The following PCDHGA3 variants were observed in gnomAD, a reference collection of about 807,000 sequenced individuals.
PCDHGA3 encodes the protein protocadherin gamma-A3.
A neutral mutation model predicts 58.5 loss-of-function variants in PCDHGA3; 40 were observed. The ratio of observed to expected loss-of-function variants is 0.68; its 90% CI spans 0.53 to 0.89. The LOEUF is 0.89. Among genes scored for constraint, PCDHGA3 ranks in the 40% least tolerant of loss-of-function variants. The pLI is 0.00. For synonymous variants in PCDHGA3, 530 were observed against 525.7 expected (o/e 1.01, Z -0.11); for missense variants, 1,223 against 1,195.9 (o/e 1.02, Z -0.33).
At chr5:141,361,713 C>G in intron 1 of PCDHGA3, 1 of 1,613,404 alleles carries the variant, frequency 6.2e-7, no homozygotes, top group Non-Finnish European at 8.5e-7. Context: ...AGCAGCTGCG[C>G]GCCTTCGAGC....
intron 1 of PCDHGA3, among the ~76,000 whole-genome samples, chr5:141,458,436 C>T (rs2098945707): frequency 6.6e-6 from 1 of 152,056 alleles, no homozygotes; most frequent in Non-Finnish European, 1.5e-5. Context: ...AAGAGGAGGT[C>T]CCCCACATTA....
intron 1 of PCDHGA3, chr5:141,417,508 TATTTTGGCTGTCAACTCGTAG>T: frequency 4.2e-6 from 1 of 237,898 alleles, no homozygotes; most frequent in East Asian, 9.1e-5. Flanking sequence ...AAGATTAAAA[TATTTTGGCTGTCAACTCGTAG>T]TTTAAAAAAA....
intron 1 of PCDHGA3, chr5:141,366,198 C>A (rs187196267): frequency 1.2e-6 from 2 of 1,613,774 alleles, no homozygotes; most frequent in African/African-American, 2.7e-5. Flanking sequence ...GGGCTGCACA[C>A]GGGCGAGGTG....
chr5:141,422,197 G>C, intron 1 of PCDHGA3: 1 of 1,562,284 alleles, frequency 6.4e-7, no homozygotes, highest in Non-Finnish European at 8.6e-7. Flanking sequence ...TCAAGGCCAA[G>C]ATGGTGGAGG....
Position 141,505,409 on chromosome 5 carries a change from G to T in PCDHGA3, c.2500G>T (p.Asp834Tyr). The change falls in exon 3 of 4, where the codon GAC (aspartate) becomes TAC (tyrosine). Residue 834 changes from aspartate to tyrosine, a missense_variant. Asp to Tyr is a radical substitution (Grantham distance 160). Around this residue, in one of 3 missense-constraint regions of PCDHGA3, gnomAD observed 325 missense variants for 327.5 expected, o/e 0.99. Transcript: ENST00000253812. ...PGTSGSQNGD[D>Y]TGTWPNNQFD... Reference sequence around the variant, plus strand: ...TCTCCCCAGCTCCCAAAATGGCGATGACACCGGCACCTGGCCCAACAACCA... The same window carrying T: ...TCTCCCCAGCTCCCAAAATGGCGATTACACCGGCACCTGGCCCAACAACCA... 6.2e-7 allele frequency: 1 copy of T among 1,614,200 alleles called. No individual in the cohort carries two copies. Among genetic ancestry groups the T allele is most frequent in the Non-Finnish European group, 8.5e-7 (1 of 1,180,048 alleles).
At position 141,375,364 on chromosome 5, in the gene PCDHGA3, A is replaced by C. The variant is rs771379372; in HGVS notation, c.2424+28907A>C. ...ACATCACTGTGACAGCCACGGACAAAGGAACACCACCTCTGTCTACAGAAA... is the reference window on the plus strand; with the variant it reads ...ACATCACTGTGACAGCCACGGACAACGGAACACCACCTCTGTCTACAGAAA... On this transcript the variant is annotated intron_variant, in intron 1 of 3. Coordinates refer to ENST00000253812, the MANE Select transcript of PCDHGA3 (RefSeq NM_018916.4). 6.2e-7 allele frequency: 1 copy of C among 1,613,904 alleles called. No homozygotes were observed. Among genetic ancestry groups the C allele is most frequent in the Non-Finnish European group, 8.5e-7 (1 of 1,179,968 alleles).
At chr5:141,372,379 T>TA (rs1390677977) in intron 1 of PCDHGA3, 1 of 1,613,888 alleles carries the variant, frequency 6.2e-7, no homozygotes, top group Non-Finnish European at 8.5e-7. Context: ...ATGCTGCACC[T>TA]AATCTTCGCA....
At chr5:141,413,195 G>A (rs771456948) in intron 1 of PCDHGA3, 2 of 1,610,846 alleles carry the variant, frequency 1.2e-6, no homozygotes, top group Admixed American at 1.7e-5. Context: ...CAAAGGAATC[G>A]CTCAAAGGAA....
chr5:141,505,694 G>A, intron 3 of PCDHGA3, among the ~76,000 whole-genome samples: 1 of 152,208 alleles, frequency 6.6e-6, no homozygotes, highest in East Asian at 1.9e-4. Flanking sequence ...GCCTGGAGGA[G>A]AGCGAACAAG....
Position 141,362,718 on chromosome 5 carries a change from G to A in PCDHGA3, c.2424+16261G>A, listed in dbSNP as rs1762651072. The A allele has an allele frequency of 4.5e-6, 4 of 880,132 alleles. No homozygotes were observed. In the East Asian group the frequency reaches 8.0e-5, roughly 18 times the overall value. The allele number at this position is 880,132 out of a possible 1,614,324, so 54.5% of individuals were successfully genotyped here. A position where few individuals can be genotyped will look rare whatever the true frequency, so the allele number is the denominator to read the frequency against. Reference sequence around the variant, plus strand: ...ACTGAATTTTAAGTGTTTTCTCTCTGAAGTGTGAGATTTATTTACCCATGA... The same window carrying A: ...ACTGAATTTTAAGTGTTTTCTCTCTAAAGTGTGAGATTTATTTACCCATGA... On this transcript the variant is annotated intron_variant, in intron 1 of 3. Coordinates refer to ENST00000253812, the MANE Select transcript of PCDHGA3 (RefSeq NM_018916.4).
chr5:141,355,281 G>A (rs1201255791), intron 1 of PCDHGA3: 3 of 1,613,732 alleles, frequency 1.9e-6, no homozygotes, highest in Non-Finnish European at 1.7e-6. Flanking sequence ...TGGAAATCAG[G>A]GCCGAACAGA....
At chr5:141,460,780 A>G (rs1387522399) in intron 1 of PCDHGA3, among the ~76,000 whole-genome samples, 3 of 152,042 alleles carry the variant, frequency 2.0e-5, no homozygotes, top group Non-Finnish European at 4.4e-5. Context: ...GTATGTATAC[A>G]TATATACACA....
At chr5:141,394,306 G>T in intron 1 of PCDHGA3, 1 of 1,613,958 alleles carries the variant, frequency 6.2e-7, no homozygotes, top group Non-Finnish European at 8.5e-7. Context: ...ACGCTGCAGG[G>T]GGCGCCCCTG....
At chr5:141,471,926 G>T (rs2099266798) in intron 1 of PCDHGA3, among the ~76,000 whole-genome samples, 1 of 152,110 alleles carries the variant, frequency 6.6e-6, no homozygotes, top group African/African-American at 2.4e-5. Flanking sequence ...AATTTTGGGG[G>T]TGATGAGAGT....
intron 1 of PCDHGA3, among the ~76,000 whole-genome samples, chr5:141,363,411 T>C (rs1315890359): frequency 6.6e-6 from 1 of 152,244 alleles, no homozygotes; most frequent in African/African-American, 2.4e-5. Flanking sequence ...ATGATAGCAG[T>C]AAATATCTGT....
rs1436956912 is a variant in PCDHGA3, at chr5:141,438,609, TATATATATATATATATATATATATATAC to T, written c.2425-56196_2425-56169del. Reference sequence around the variant, plus strand: ...ATACATACATATATATATATATATATATATATATATATATATATATATATATACACACACACACACACATATATGTATA... The same window carrying T: ...ATACATACATATATATATATATATATACACACACACACACATATATGTATA... On this transcript the variant is annotated intron_variant, in intron 1 of 3. Coordinates refer to ENST00000253812, the MANE Select transcript of PCDHGA3 (RefSeq NM_018916.4). Among the ~76,000 whole-genome samples the T allele has an allele frequency of 2.2e-3, 92 of 41,082 alleles. 2 individuals are homozygous for T. Among genetic ancestry groups the T allele is most frequent in the East Asian group, 7.4e-3 (6 of 810 alleles). The allele number at this position is 41,082 out of a possible 152,430, so 27.0% of individuals were successfully genotyped here.
chr5:141,420,845 G>T (rs1038454602), intron 1 of PCDHGA3, among the ~76,000 whole-genome samples: 4 of 152,200 alleles, frequency 2.6e-5, no homozygotes, highest in Non-Finnish European at 4.4e-5. Context: ...GGTGTTCTTG[G>T]TAAAGTTTTA....
At chr5:141,393,227 A>G (rs1389818557) in intron 1 of PCDHGA3, 1 of 1,613,740 alleles carries the variant, frequency 6.2e-7, no homozygotes, top group Non-Finnish European at 8.5e-7. Context: ...TCGAAGATCT[A>G]GAAGTAAAAA....
At chr5:141,355,508 T>C (rs1759881586) in intron 1 of PCDHGA3, 2 of 1,613,922 alleles carry the variant, frequency 1.2e-6, no homozygotes, top group Non-Finnish European at 1.7e-6. Flanking sequence ...CCAAACTGTG[T>C]GACAAACCTG....
Sources: allele counts gnomAD v4.1 joint callset (sites outside exome capture counted in the v4.1 genomes callset), GRCh38; gene constraint gnomAD v4.1.1; regional missense constraint gnomAD v4.1.1; transcripts MANE v1.5; gene names NCBI Gene and HGNC (gene_info 2026-07-23, HGNC 2026-07-21).